The following SDK1 variants were observed in gnomAD, a reference collection of about 807,000 sequenced individuals.
The protein encoded by SDK1 is protein sidekick-1.
In SDK1, 157 loss-of-function variants were observed where a neutral mutation model predicts 245.5. That is an observed-to-expected ratio of 0.64 (90% CI 0.56 to 0.73). The LOEUF (loss-of-function observed/expected upper bound fraction) is 0.73. SDK1 is among the 30% of genes least tolerant of loss of function. The pLI is 0.00. For synonymous variants in SDK1, 1,647 were observed against 1,278.5 expected (o/e 1.29, Z -6.15); for missense variants, 3,583 against 3,002.3 (o/e 1.19, Z -4.52).
chr7:3,711,631 G>A (rs1216263026), intron 4 of SDK1, among the ~76,000 whole-genome samples: 2 of 152,170 alleles, frequency 1.3e-5, no homozygotes, highest in East Asian at 3.9e-4. Context: ...TGTTCAAAGA[G>A]CCCAAAGCAG....
intron 5 of SDK1, among the ~76,000 whole-genome samples, chr7:3,859,019 T>G (rs1371456644): frequency 6.7e-6 from 1 of 149,548 alleles, no homozygotes; most frequent in Non-Finnish European, 1.5e-5. Context: ...CCCGCCACCA[T>G]GCCCGGCTAA....
chr7:3,953,021 C>G (rs931069949), intron 7 of SDK1, among the ~76,000 whole-genome samples: 2 of 152,082 alleles, frequency 1.3e-5, no homozygotes, highest in Non-Finnish European at 2.9e-5. Context: ...AAGAGGTAGC[C>G]TTAGAGGCCG....
chr7:4,000,324 C>T (rs375453760), intron 14 of SDK1, among the ~76,000 whole-genome samples: 15 of 152,306 alleles, frequency 9.8e-5, no homozygotes, highest in South Asian at 8.3e-4. Context: ...GTGCCCCCAG[C>T]GGCCTGATGC....
chr7:3,524,107 CAGGA>C (rs900071259), intron 1 of SDK1, among the ~76,000 whole-genome samples: 2 of 152,036 alleles, frequency 1.3e-5, no homozygotes, highest in Admixed American at 1.3e-4. Flanking sequence ...CAAAGACCTG[CAGGA>C]AGGAAGGGAG....
chr7:3,640,970 C>G (rs796711107), intron 3 of SDK1, among the ~76,000 whole-genome samples: 47 of 152,232 alleles, frequency 3.1e-4, no homozygotes, highest in African/African-American at 1.1e-3. Flanking sequence ...GTGTGAGCCA[C>G]TGTGCTCTGC....
rs1432482702 is a variant in SDK1 at position 3,639,093 on chromosome 7, C to T, written c.548C>T (p.Ser183Leu). The T allele has an allele frequency of 3.1e-6, 5 of 1,598,452 alleles. No individual in the cohort carries two copies. Among genetic ancestry groups the T allele is most frequent in the East Asian group, 2.2e-5 (1 of 44,638 alleles). The change falls in exon 3 of 45, where the codon TCA becomes TTA. Residue 183 changes from serine (S) to leucine (L), a missense_variant. Physicochemically the swap from Ser to Leu is moderately radical, Grantham distance 145 (BLOSUM62 -2). Coordinates refer to ENST00000404826, the MANE Select transcript of SDK1 (RefSeq NM_152744.4). The part of the protein sequence containing the change: ...NRMGALLQRK[S>L]EVQVAYMGSF... ...ATGGGAGCACTCCTGCAAAGAAAAT[C>T]AGAAGTTCAAGTCGCATGTATGTGT...
At chr7:3,577,309 C>G (rs977939875) in intron 1 of SDK1, among the ~76,000 whole-genome samples, 10 of 152,020 alleles carry the variant, frequency 6.6e-5, no homozygotes, top group Non-Finnish European at 1.3e-4. Flanking sequence ...GTTATTTACA[C>G]CATTTTACAG....
intron 14 of SDK1, among the ~76,000 whole-genome samples, chr7:4,009,684 C>T (rs1281225978): frequency 6.6e-6 from 1 of 152,240 alleles, no homozygotes; most frequent in South Asian, 2.1e-4. Flanking sequence ...AAGATCCCAT[C>T]TTCATCGCCA....
intron 1 of SDK1, among the ~76,000 whole-genome samples, chr7:3,534,758 A>G (rs902382836): frequency 6.6e-6 from 1 of 152,198 alleles, no homozygotes; most frequent in Non-Finnish European, 1.5e-5. Flanking sequence ...CATTTAATGA[A>G]AAGCAGCCCC....
At chr7:3,773,219 T>A (rs185086172) in intron 4 of SDK1, among the ~76,000 whole-genome samples, 1 of 152,326 alleles carries the variant, frequency 6.6e-6, no homozygotes, top group East Asian at 1.9e-4. Context: ...CCTTTTGCTC[T>A]GTTCACTTTT....
chr7:3,964,737 G>A lies in SDK1; in HGVS notation c.1429+1886G>A, dbSNP rs373162529. On this transcript the variant is annotated intron_variant, in intron 9 of 44. Coordinates refer to ENST00000404826, the MANE Select transcript of SDK1 (RefSeq NM_152744.4). ...GAGCAAAATGCTGATATCCTCAGGG[G>A]TGAGAGCTGTTGGAGAGAGCAAATC... Among the ~76,000 whole-genome samples the A allele has an allele frequency of 2.0e-5, 3 of 152,284 alleles. 1 individual carries two copies.
At chr7:4,093,161 C>T (rs1781914395) in intron 22 of SDK1, among the ~76,000 whole-genome samples, 1 of 151,850 alleles carries the variant, frequency 6.6e-6, no homozygotes, top group Non-Finnish European at 1.5e-5. Context: ...CTCAGTAATG[C>T]TTTGCTTAAT....
At chr7:3,484,878 A>G (rs536960093) in intron 1 of SDK1, among the ~76,000 whole-genome samples, 18 of 152,262 alleles carry the variant, frequency 1.2e-4, no homozygotes, top group Non-Finnish European at 2.4e-4. Flanking sequence ...GAAGCATAAC[A>G]TATTTTGTTT....
intron 4 of SDK1, among the ~76,000 whole-genome samples, chr7:3,699,612 C>T (rs770320828): frequency 6.6e-6 from 1 of 151,982 alleles, no homozygotes; most frequent in Non-Finnish European, 1.5e-5. Context: ...ACAGACTAAA[C>T]AAACAAACCT....
At chr7:3,645,493 A>G (rs370781940) in intron 4 of SDK1, among the ~76,000 whole-genome samples, 17 of 152,346 alleles carry the variant, frequency 1.1e-4, no homozygotes, top group Admixed American at 4.6e-4. Flanking sequence ...TCGTCCAAAG[A>G]CATATAGCTT....
chr7:4,152,610 G>A (rs914053035), intron 30 of SDK1, among the ~76,000 whole-genome samples: 2 of 152,178 alleles, frequency 1.3e-5, no homozygotes, highest in Non-Finnish European at 2.9e-5. Flanking sequence ...GTATAGGAGA[G>A]ACCAATGTCA....
chr7:3,924,906 G>T (rs547262286), intron 5 of SDK1, among the ~76,000 whole-genome samples: 2 of 152,266 alleles, frequency 1.3e-5, no homozygotes, highest in South Asian at 4.1e-4. Flanking sequence ...CAAGCCTGGG[G>T]TCTGCCTTCC....
intron 38 of SDK1, among the ~76,000 whole-genome samples, chr7:4,214,190 C>T (rs1472956729): frequency 2.0e-5 from 3 of 151,866 alleles, no homozygotes; most frequent in Non-Finnish European, 4.4e-5. Flanking sequence ...GCCTAAACTG[C>T]TCCATGATGG....
chr7:4,202,359 G>A (rs983059685), intron 35 of SDK1, among the ~76,000 whole-genome samples: 1 of 152,226 alleles, frequency 6.6e-6, no homozygotes, highest in Non-Finnish European at 1.5e-5. Context: ...CGCCCTCCGA[G>A]TGCCAGCATC....
Sources: allele counts gnomAD v4.1 joint callset (sites outside exome capture counted in the v4.1 genomes callset), GRCh38; gene constraint gnomAD v4.1.1; transcripts MANE v1.5; gene names NCBI Gene and HGNC (gene_info 2026-07-23, HGNC 2026-07-21).